Variants in SHOC2 observed in about 807,000 individuals in gnomAD.
The protein encoded by SHOC2 is leucine-rich repeat protein SHOC-2.
SHOC2 carries 4 observed loss-of-function variants against 50.2 expected under a neutral mutation model. That is an observed-to-expected ratio of 0.08 (90% CI 0.04 to 0.18). The LOEUF (loss-of-function observed/expected upper bound fraction) is 0.18, where lower values mean the gene tolerates loss of function less well. Among genes scored for constraint, SHOC2 ranks in the 10% least tolerant of loss-of-function variants. The pLI is 1.00. For missense variants in SHOC2, 388 were observed against 669.6 expected (o/e 0.58, Z 4.64); for synonymous variants, 218 against 244.5 (o/e 0.89, Z 1.01).
At chr10:111,005,895 T>C (rs1009559073) in intron 5 of SHOC2, among the ~76,000 whole-genome samples, 1 of 152,222 alleles carries the variant, frequency 6.6e-6, no homozygotes, top group African/African-American at 2.4e-5. Context: ...TTTTTAAATT[T>C]CATCCACACT....
chr10:110,945,780 C>T (rs1847235587), intron 1 of SHOC2, among the ~76,000 whole-genome samples: 1 of 152,104 alleles, frequency 6.6e-6, no homozygotes, highest in South Asian at 2.1e-4. Flanking sequence ...GTTGCGCAGC[C>T]TCCTCCTTAA....
chr10:110,978,261 T>C (rs1312949289), intron 2 of SHOC2, among the ~76,000 whole-genome samples: 1 of 152,200 alleles, frequency 6.6e-6, no homozygotes, highest in African/African-American at 2.4e-5. Context: ...ATTTTCTAGT[T>C]GCATCATGGT....
chr10:110,934,043 A>T (rs1309922188), intron 1 of SHOC2, among the ~76,000 whole-genome samples: 1 of 152,238 alleles, frequency 6.6e-6, no homozygotes, highest in Non-Finnish European at 1.5e-5. Flanking sequence ...TAATATGTAG[A>T]TTTAAATAAT....
intron 5 of SHOC2, among the ~76,000 whole-genome samples, chr10:111,005,907 G>C (rs1275963819): frequency 6.6e-6 from 1 of 152,102 alleles, no homozygotes; most frequent in Admixed American, 6.5e-5. Context: ...ATCCACACTT[G>C]CTCATAAATA....
Position 110,933,217 on chromosome 10 carries a change from CT to C in SHOC2, c.-235+13567del, listed in dbSNP as rs565224727. ...ATATTTTGTTTCAAAATGAGAGTAGCTTTTTTTCTAATTATGAAAGGAGTGA... is the reference window on the plus strand; with the variant it reads ...ATATTTTGTTTCAAAATGAGAGTAGCTTTTTTCTAATTATGAAAGGAGTGA... On this transcript the variant is annotated intron_variant, in intron 1 of 8. Coordinates refer to ENST00000369452, the MANE Select transcript of SHOC2 (RefSeq NM_007373.4). Among the ~76,000 whole-genome samples the C allele has an allele frequency of 3.9e-3, 600 of 152,058 alleles. 5 individuals carry two copies. Among genetic ancestry groups the C allele is most frequent in the African/African-American group, 0.014 (578 of 41,488 alleles).
chr10:110,923,469 A>T (rs1846694978), intron 1 of SHOC2, among the ~76,000 whole-genome samples: 2 of 152,150 alleles, frequency 1.3e-5, no homozygotes, highest in Admixed American at 1.3e-4. Context: ...AGCAGAGTTT[A>T]TACACGCAAA....
chr10:110,985,710 G>A lies in SHOC2; in HGVS notation c.786G>A (p.Gln262=), dbSNP rs754545927. The A allele has an allele frequency of 3.7e-6, 6 of 1,612,894 alleles. No homozygotes were observed. The Admixed American group carries it at 1.0e-4, about 27-fold the overall frequency. ...CAAAGGAGATTGGAAACTGTACACA[G>A]ATAACCAACCTTGACTTGCAGCACA... ...HLPKEIGNCT[Q]ITNLDLQHNE... Residue 262 remains glutamine (Q), a synonymous_variant, in exon 3 of 9, where the codon CAG becomes CAA. Coordinates refer to ENST00000369452, the MANE Select transcript of SHOC2 (RefSeq NM_007373.4).
At chr10:111,002,966 G>A (rs1395678912) in intron 4 of SHOC2, among the ~76,000 whole-genome samples, 1 of 152,208 alleles carries the variant, frequency 6.6e-6, no homozygotes, top group Non-Finnish European at 1.5e-5. Flanking sequence ...ATGAGGCTCA[G>A]TAAAACTCCT....
intron 3 of SHOC2, among the ~76,000 whole-genome samples, chr10:110,990,924 C>T (rs905771803): frequency 7.9e-5 from 12 of 152,130 alleles, no homozygotes; most frequent in Non-Finnish European, 1.5e-4. Context: ...ACATGCTAGA[C>T]ATTTTATTGT....
intron 1 of SHOC2, among the ~76,000 whole-genome samples, chr10:110,942,470 C>T (rs1564706406): frequency 6.6e-6 from 1 of 152,272 alleles, no homozygotes; most frequent in East Asian, 1.9e-4. Context: ...GCCTCAGCCC[C>T]ACAAGGTGCT....
At chr10:110,924,362 A>G (rs1479937441) in intron 1 of SHOC2, among the ~76,000 whole-genome samples, 1 of 152,214 alleles carries the variant, frequency 6.6e-6, no homozygotes, top group African/African-American at 2.4e-5. Flanking sequence ...CACTGCACGT[A>G]TAACTGGCAA....
chr10:111,006,182 A>G (rs1848462905), intron 5 of SHOC2, among the ~76,000 whole-genome samples: 1 of 152,238 alleles, frequency 6.6e-6, no homozygotes, highest in Admixed American at 6.5e-5. Context: ...TACTTTATAA[A>G]TCATACTATA....
At chr10:110,971,152 A>G (rs1216142053) in intron 2 of SHOC2, among the ~76,000 whole-genome samples, 3 of 152,050 alleles carry the variant, frequency 2.0e-5, no homozygotes, top group South Asian at 2.1e-4. Flanking sequence ...TGTTTCCCCT[A>G]TGTTTCTTGT....
intron 1 of SHOC2, among the ~76,000 whole-genome samples, chr10:110,955,485 TG>T (rs951705772): frequency 3.3e-5 from 5 of 152,036 alleles, no homozygotes; most frequent in Non-Finnish European, 7.4e-5. Context: ...TTAGTGAGAT[TG>T]GGGGGGAAAT....
intron 1 of SHOC2, among the ~76,000 whole-genome samples, chr10:110,930,728 A>C (rs1846877153): frequency 2.0e-5 from 1 of 50,830 alleles, no homozygotes; most frequent in Non-Finnish European, 4.7e-5. Context: ...AATATTCACG[A>C]GTAAATCTTT....
chr10:110,974,462 A>C (rs1847839344), intron 2 of SHOC2, among the ~76,000 whole-genome samples: 1 of 152,172 alleles, frequency 6.6e-6, no homozygotes, highest in African/African-American at 2.4e-5. Context: ...CAACAGTGTC[A>C]TACAGTGCTT....
Position 111,011,575 on chromosome 10 carries a change from A to AT in SHOC2, c.1541-30dup, listed in dbSNP as rs768787217. ...AGTTGAACTTTTAAAATAGCAACTA[A>AT]TTTTTAAAAAAAAATTGATTTTTTT... On this transcript the variant is annotated intron_variant, in intron 8 of 8. Coordinates refer to ENST00000369452, the MANE Select transcript of SHOC2 (RefSeq NM_007373.4). 1.4e-5 allele frequency: 21 copies of AT among 1,531,442 alleles called. No individual in the cohort carries two copies. The African/African-American group carries it at 1.6e-4, about 12-fold the overall frequency. 94.9% of individuals were successfully genotyped at this position (1,531,442 alleles called of 1,614,324 possible). A position where few individuals can be genotyped will look rare whatever the true frequency, so the allele number is the denominator to read the frequency against.
intron 7 of SHOC2, 113 bp from the exon 8 acceptor site, chr10:111,009,600 A>G (rs998901226): frequency 3.6e-6 from 3 of 827,922 alleles, no homozygotes; most frequent in Non-Finnish European, 6.0e-6. Context: ...TTCTCATTCT[A>G]TCCAATCTGG....
intron 1 of SHOC2, among the ~76,000 whole-genome samples, chr10:110,934,711 C>G (rs766415037): frequency 6.6e-6 from 1 of 152,070 alleles, no homozygotes; most frequent in South Asian, 2.1e-4. Flanking sequence ...TGGGGACATA[C>G]ATTTACCTCT....
Sources: gnomAD v4.1 joint callset for allele counts (sites outside exome capture counted in the v4.1 genomes callset) on GRCh38, gnomAD v4.1.1 for gene constraint, MANE v1.5 for transcripts, NCBI Gene and HGNC (gene_info 2026-07-23, HGNC 2026-07-21) for gene names.